DOCK4: variants seen among roughly 807,000 people sequenced by gnomAD.
DOCK4 encodes the protein dedicator of cytokinesis protein 4.
In DOCK4, 97 loss-of-function variants were observed where a neutral mutation model predicts 268.1. That is an observed-to-expected ratio of 0.36 (90% CI 0.31 to 0.43). DOCK4 has a LOEUF of 0.43. Ranked by LOEUF, DOCK4 falls within the 20% of genes least tolerant of loss-of-function variation. The probability of loss-of-function intolerance (pLI) is 1.00; values close to 1 mark genes in which losing one functional copy is unlikely to be tolerated. For missense variants in DOCK4, 2,145 were observed against 2,455.7 expected, an observed-to-expected ratio of 0.87 and a Z score of 2.67; for synonymous variants, 954 against 887.2, an observed-to-expected ratio of 1.08 and a Z score of -1.34.
chr7:112,187,967 A>T (rs1161878096), intron 1 of DOCK4, among the ~76,000 whole-genome samples: 2 of 152,216 alleles, frequency 1.3e-5, no homozygotes, highest in Non-Finnish European at 2.9e-5. Context: ...CATGTGACTC[A>T]AAAATTGAAT....
At chr7:111,833,415 G>A (rs979246898) in intron 26 of DOCK4, among the ~76,000 whole-genome samples, 1 of 152,020 alleles carries the variant, frequency 6.6e-6, no homozygotes, top group African/African-American at 2.4e-5. Flanking sequence ...GTGGTAGCAT[G>A]TGCCTGTAGT....
chr7:112,115,568 C>T (rs1022098630), intron 1 of DOCK4, among the ~76,000 whole-genome samples: 22 of 152,314 alleles, frequency 1.4e-4, no homozygotes, highest in Non-Finnish European at 1.2e-4. Context: ...TATCCTCTGC[C>T]ATGCTAAGCA....
intron 41 of DOCK4, among the ~76,000 whole-genome samples, chr7:111,757,174 G>A (rs983682385): frequency 1.3e-5 from 2 of 152,050 alleles, no homozygotes; most frequent in African/African-American, 4.8e-5. Context: ...CTTCTGGAGG[G>A]CAGTTTGGAG....
In DOCK4 at chr7:111,940,130, G is replaced by A; in HGVS notation, c.957C>T (p.Asp319=). ...CTTACATGTATACTTTCAGAATGAG[G>A]TCATCCTTTGTCTCTCCTGTTAGCA... ...ADLLTGETKD[D]LILKVYMCNT... The change falls in exon 11 of 53, where the codon GAC becomes GAT. Residue 319 remains aspartate, a synonymous_variant. Transcript: ENST00000428084. 6.2e-7 allele frequency: 1 copy of A among 1,613,986 alleles called. No homozygotes were observed. Among genetic ancestry groups the A allele is most frequent in the Non-Finnish European group, 8.5e-7 (1 of 1,179,886 alleles).
chr7:111,872,587 T>C (rs549392069), intron 17 of DOCK4, 23 bp from the exon 18 acceptor site: 1 of 1,543,920 alleles, frequency 6.5e-7, no homozygotes, highest in Admixed American at 2.0e-5. Context: ...AAAAGGAAGA[T>C]TAATTGCCTT....
At chr7:111,825,446 T>C (rs1397913594) in intron 26 of DOCK4, among the ~76,000 whole-genome samples, 1 of 147,630 alleles carries the variant, frequency 6.8e-6, no homozygotes, top group Non-Finnish European at 1.5e-5. Context: ...TTTTCAACTC[T>C]GGTCATTTCA....
intron 26 of DOCK4, among the ~76,000 whole-genome samples, chr7:111,827,984 G>T (rs1270702904): frequency 6.6e-6 from 1 of 152,036 alleles, no homozygotes; most frequent in African/African-American, 2.4e-5. Flanking sequence ...TGTGCTTATA[G>T]CAAGATCCCC....
At chr7:111,953,220 A>AC (rs1156850077) in intron 8 of DOCK4, among the ~76,000 whole-genome samples, 1 of 151,710 alleles carries the variant, frequency 6.6e-6, no homozygotes, top group African/African-American at 2.4e-5. Flanking sequence ...AAAAAAAAAA[A>AC]AATTAACTAC....
chr7:112,005,892 G>A (rs1030919690), intron 1 of DOCK4, among the ~76,000 whole-genome samples: 1 of 152,100 alleles, frequency 6.6e-6, no homozygotes, highest in Non-Finnish European at 1.5e-5. Context: ...CTCAGCCCCT[G>A]CAATCCAGCC....
At chr7:111,845,069 A>G (rs1803991644) in intron 24 of DOCK4, among the ~76,000 whole-genome samples, 172 bp from the exon 25 acceptor site, 1 of 152,234 alleles carries the variant, frequency 6.6e-6, no homozygotes, top group Admixed American at 6.5e-5. Context: ...CTTACCCAAG[A>G]GTACACAACT....
chr7:111,879,608 C>G (rs1175487365), intron 16 of DOCK4, among the ~76,000 whole-genome samples: 1 of 152,150 alleles, frequency 6.6e-6, no homozygotes, highest in East Asian at 1.9e-4. Context: ...CCAGGTCTGG[C>G]AGCATTCACC....
chr7:111,746,222 G>T, intron 44 of DOCK4, 112 bp downstream of exon 44: 1 of 765,562 alleles, frequency 1.3e-6, no homozygotes, highest in Non-Finnish European at 2.1e-6. Context: ...TGTCACCCTT[G>T]CTTGCCAGCT....
At chr7:112,000,646 C>G in intron 2 of DOCK4, 112 bp from the exon 3 acceptor site, 1 of 762,344 alleles carries the variant, frequency 1.3e-6, no homozygotes, top group Non-Finnish European at 2.0e-6. Context: ...TGAAAAGATT[C>G]TATGGATAAA....
chr7:112,156,229 A>G (rs988843730), intron 1 of DOCK4, among the ~76,000 whole-genome samples: 4 of 152,180 alleles, frequency 2.6e-5, no homozygotes, highest in Admixed American at 2.0e-4. Flanking sequence ...TGTCCAGCAC[A>G]CAGACACTGT....
intron 28 of DOCK4, among the ~76,000 whole-genome samples, chr7:111,809,704 G>A (rs1161927737): frequency 6.6e-6 from 1 of 152,152 alleles, no homozygotes; most frequent in Non-Finnish European, 1.5e-5. Flanking sequence ...GAGCTTTTTG[G>A]TATATGCTAA....
Position 112,206,202 on chromosome 7 carries a change from A to C in DOCK4, c.-64T>G. ...CCGCGCCCCTTCTCCGGCTCACAACAATGCACAGTCCCCGAGCAGCGCTGC... is the reference window on the plus strand; with the variant it reads ...CCGCGCCCCTTCTCCGGCTCACAACCATGCACAGTCCCCGAGCAGCGCTGC... On this transcript the variant is annotated 5_prime_UTR_variant, in exon 1 of 53. It adds an upstream start codon to the 5' untranslated region. Transcript: ENST00000428084. 2 of 1,507,818 alleles carry C rather than the reference A, an allele frequency of 1.3e-6. No individual in the cohort carries two copies. The highest frequency in any genetic ancestry group is 1.8e-6 in the Non-Finnish European group (2 of 1,107,330). The allele number at this position is 1,507,818 out of a possible 1,614,324, so 93.4% of individuals were successfully genotyped here.
In DOCK4 at chr7:111,935,203, C is replaced by T. The variant is rs181244588; in HGVS notation, c.1066+337G>A. Among the ~76,000 whole-genome samples, 855 of 152,270 alleles carry T rather than the reference C, an allele frequency of 5.6e-3. 10 individuals carry two copies. The highest frequency in any genetic ancestry group is 0.02 in the African/African-American group (823 of 41,554). On this transcript the variant is annotated intron_variant, in intron 12 of 52. Transcript: ENST00000428084. ...CTTCAGGTGATCCACTAATCTCGGC[C>T]TCCCAAAGTGCTGGGATTACAGGCG...
At chr7:111,760,738 T>TTGTGTGTGTGTGTGTGTG (rs3997406) in intron 39 of DOCK4, among the ~76,000 whole-genome samples, 1 of 136,910 alleles carries the variant, frequency 7.3e-6, no homozygotes, top group African/African-American at 2.8e-5. Flanking sequence ...TGTCTGCTTT[T>TTGTGTGTGTGTGTGTGTG]TGTGTGTGTG....
chr7:112,036,807 C>G (rs562468448), intron 1 of DOCK4, among the ~76,000 whole-genome samples: 1 of 152,000 alleles, frequency 6.6e-6, no homozygotes, highest in African/African-American at 2.4e-5. Flanking sequence ...ATTACAGGCG[C>G]CCACCACCAC....
Sources: allele counts gnomAD v4.1 joint callset (sites outside exome capture counted in the v4.1 genomes callset), GRCh38; gene constraint gnomAD v4.1.1; transcripts MANE v1.5; gene names NCBI Gene and HGNC (gene_info 2026-07-23, HGNC 2026-07-21).